Variants in PIK3C2A observed in about 807,000 individuals in gnomAD.
PIK3C2A encodes the protein phosphatidylinositol-4-phosphate 3-kinase catalytic subunit type 2 alpha.
PIK3C2A carries 97 observed loss-of-function variants against 204.5 expected under a neutral mutation model. The observed-to-expected ratio is 0.47, with a 90% CI of 0.40 to 0.56. PIK3C2A has a LOEUF of 0.56. Ranked by LOEUF, PIK3C2A falls within the 20% of genes least tolerant of loss-of-function variation. PIK3C2A has a pLI of 0.00. For synonymous variants in PIK3C2A, 653 were observed against 664.4 expected (o/e 0.98, Z 0.26); for missense variants, 1,735 against 1,969.2 (o/e 0.88, Z 2.25).
intron 6 of PIK3C2A, 41 bp downstream of exon 6, chr11:17,147,476 G>T: frequency 9.0e-7 from 1 of 1,114,580 alleles, no homozygotes; most frequent in Non-Finnish European, 1.4e-6. Context: ...GAATTATTCA[G>T]ATTCAAACAA....
chr11:17,092,814 CTG>C (rs767615539), intron 28 of PIK3C2A, among the ~76,000 whole-genome samples: 1 of 152,142 alleles, frequency 6.6e-6, no homozygotes. Context: ...GCAAAAGTAA[CTG>C]TGGTTTTTGA....
chr11:17,116,270 G>T (rs1849186628), intron 19 of PIK3C2A, among the ~76,000 whole-genome samples: 1 of 152,008 alleles, frequency 6.6e-6, no homozygotes, highest in Non-Finnish European at 1.5e-5. Context: ...AATACAAATG[G>T]CCAATAAACA....
At position 17,195,741 on chromosome 11, in the gene PIK3C2A, G is replaced by GTA. The variant is rs370053887; in HGVS notation, c.-66+12106_-66+12107insTA. ...CTGGGAGACAGAGCAAGACTCTATT[G>GTA]CAAAAAAAAAAAAAGGAGCCCCGCG... On this transcript the variant is annotated intron_variant, in intron 1 of 32. Coordinates refer to ENST00000691414, the MANE Select transcript of PIK3C2A (RefSeq NM_002645.4). 3.9e-3 allele frequency among the ~76,000 whole-genome samples: 517 copies of GTA among 131,804 alleles called. 11 individuals carry two copies. The highest frequency in any genetic ancestry group is 0.025 in the South Asian group (105 of 4,258). 86.5% of individuals were successfully genotyped at this position (131,804 alleles called of 152,430 possible). A position where few individuals can be genotyped will look rare whatever the true frequency, so the allele number is the denominator to read the frequency against.
At chr11:17,152,875 TA>T (rs1233682141) in intron 3 of PIK3C2A, among the ~76,000 whole-genome samples, 2 of 152,132 alleles carry the variant, frequency 1.3e-5, no homozygotes, top group Admixed American at 1.3e-4. Context: ...TCAAATAAAT[TA>T]ATATTATTCT....
intron 2 of PIK3C2A, among the ~76,000 whole-genome samples, chr11:17,163,438 T>C (rs1262338257): frequency 6.6e-6 from 1 of 152,232 alleles, no homozygotes; most frequent in East Asian, 1.9e-4. Context: ...TCTCATTCTG[T>C]AGCCTTGGCT....
chr11:17,160,839 A>G (rs1850750551), intron 2 of PIK3C2A, among the ~76,000 whole-genome samples: 1 of 152,168 alleles, frequency 6.6e-6, no homozygotes, highest in South Asian at 2.1e-4. Flanking sequence ...AACCAAACCA[A>G]AACAAAACAA....
chr11:17,150,603 A>G lies in PIK3C2A; in HGVS notation c.1222T>C (p.Leu408=). Residue 408 remains leucine, a synonymous_variant, in exon 4 of 33, where the codon TTA becomes CTA. Transcript: ENST00000691414. ...TTTCTTTGTGCTGTGACTGGACTTA[A>G]CAAATAGCCTGGGTTTGTGCGGTGA... is the stretch of plus-strand genomic sequence containing the variant. ...TNHRTNPGYL[L]SPVTAQRNIC... The G allele has an allele frequency of 6.2e-7, 1 of 1,611,816 alleles. No homozygotes were observed. The highest frequency in any genetic ancestry group is 8.5e-7 in the Non-Finnish European group (1 of 1,178,790).
rs1479309934 is a variant in PIK3C2A at position 17,108,147 on chromosome 11, C to T, written c.3544+2285G>A. ...TCGGCCTCCCAAAGTGCTGGGATTA[C>T]AGGCATGAGCCACTGCGCCCAGCCT... On this transcript the variant is annotated intron_variant, in intron 22 of 32. Transcript: ENST00000691414. 3.3e-5 allele frequency among the ~76,000 whole-genome samples: 5 copies of T among 152,356 alleles called. No homozygotes were observed. The East Asian group carries it at 9.6e-4, about 29-fold the overall frequency.
intron 8 of PIK3C2A, among the ~76,000 whole-genome samples, chr11:17,139,341 C>T (rs1302919789): frequency 1.3e-5 from 2 of 152,138 alleles, no homozygotes; most frequent in South Asian, 2.1e-4. Flanking sequence ...GATTCTCCTG[C>T]CTCAGCCTCC....
intron 30 of PIK3C2A, 48 bp downstream of exon 30, chr11:17,091,948 G>T: frequency 8.8e-7 from 1 of 1,138,226 alleles, no homozygotes; most frequent in Non-Finnish European, 1.3e-6. Context: ...AGAAGTTACA[G>T]ACTTGCAGAT....
chr11:17,130,925 G>A (rs751390220), intron 12 of PIK3C2A, among the ~76,000 whole-genome samples: 3 of 147,860 alleles, frequency 2.0e-5, no homozygotes, highest in African/African-American at 7.5e-5. Flanking sequence ...GGTGGCTCAC[G>A]CCTGTAATCC....
intron 3 of PIK3C2A, 124 bp downstream of exon 3, chr11:17,155,402 T>C (rs1199786863): frequency 3.2e-5 from 18 of 557,108 alleles, no homozygotes; most frequent in Non-Finnish European, 3.9e-5. Flanking sequence ...AATTAACTCT[T>C]TGACTTGAAA....
At position 17,091,448 on chromosome 11, in the gene PIK3C2A, A is replaced by G; in HGVS notation, c.4764T>C (p.Asp1588=). The G allele has an allele frequency of 6.8e-6, 11 of 1,612,686 alleles. No homozygotes were observed. The highest frequency in any genetic ancestry group is 9.3e-6 in the Non-Finnish European group (11 of 1,179,674). The change falls in exon 32 of 33, where the codon GAT becomes GAC. Residue 1588 remains aspartate, a synonymous_variant. Transcript: ENST00000691414. ...VMHIKDLVTE[D]GADPNPYVKT... is the part of the protein sequence containing the mutation. ...TGACATATGGATTTGGGTCAGCTCC[A>G]TCTTCAGTAACCTAAAAAGAAAAGC...
At chr11:17,155,383 T>A in intron 3 of PIK3C2A, 143 bp downstream of exon 3, 1 of 540,458 alleles carries the variant, frequency 1.9e-6, no homozygotes, top group East Asian at 2.9e-5. Flanking sequence ...TGGTTTGTGA[T>A]AACGTGCCAA....
intron 13 of PIK3C2A, among the ~76,000 whole-genome samples, chr11:17,128,826 G>A (rs958875991): frequency 2.6e-5 from 4 of 152,134 alleles, no homozygotes; most frequent in African/African-American, 9.7e-5. Context: ...TGGGATGTAT[G>A]GCAATTAAAG....
intron 18 of PIK3C2A, among the ~76,000 whole-genome samples, chr11:17,118,076 C>CTT (rs35483291): frequency 5.1e-4 from 70 of 136,812 alleles, no homozygotes; most frequent in Admixed American, 1.1e-3. Flanking sequence ...ATTTTTTTTT[C>CTT]TTTTTTTTTT....
intron 1 of PIK3C2A, among the ~76,000 whole-genome samples, chr11:17,205,715 A>AT (rs1267995932): frequency 6.6e-6 from 1 of 152,320 alleles, no homozygotes; most frequent in African/African-American, 2.4e-5. Context: ...TTAATTGAAA[A>AT]TTTTAGAACT....
intron 12 of PIK3C2A, among the ~76,000 whole-genome samples, chr11:17,131,030 T>C (rs754845315): frequency 2.0e-5 from 3 of 150,318 alleles, no homozygotes; most frequent in Non-Finnish European, 3.0e-5. Flanking sequence ...CTACTAAACA[T>C]ACAAAAAATT....
chr11:17,095,423 A>AG (rs1408062788), intron 27 of PIK3C2A, among the ~76,000 whole-genome samples: 3 of 150,244 alleles, frequency 2.0e-5, no homozygotes, highest in Non-Finnish European at 4.4e-5. Context: ...AAAAAAAAAA[A>AG]AAAAAAAAAT....
Sources: allele counts gnomAD v4.1 joint callset (sites outside exome capture counted in the v4.1 genomes callset), GRCh38; gene constraint gnomAD v4.1.1; transcripts MANE v1.5; gene names NCBI Gene and HGNC (gene_info 2026-07-23, HGNC 2026-07-21).